PTPRD: variants seen among roughly 807,000 people sequenced by gnomAD.
PTPRD encodes the protein receptor-type tyrosine-protein phosphatase delta.
Under a neutral mutation model 214.5 loss-of-function variants are expected in PTPRD, and 34 were observed. That is an observed-to-expected ratio of 0.16 (90% CI 0.12 to 0.21). PTPRD has a LOEUF of 0.21. Ranked by LOEUF, PTPRD falls within the 10% of genes least tolerant of loss-of-function variation. PTPRD has a pLI of 1.00. For synonymous variants in PTPRD, 1,128 were observed against 845.7 expected (o/e 1.33, Z -5.79); for missense variants, 2,545 against 2,398.7 (o/e 1.06, Z -1.27).
intron 14 of PTPRD, among the ~76,000 whole-genome samples, chr9:8,603,383 G>A (rs1316674624): frequency 6.6e-6 from 1 of 152,196 alleles, no homozygotes; most frequent in African/African-American, 2.4e-5. Context: ...CTTGGTGTGA[G>A]TAGAAAGGCT....
At chr9:10,390,277 C>A (rs1361028567) in intron 2 of PTPRD, among the ~76,000 whole-genome samples, 2 of 151,796 alleles carry the variant, frequency 1.3e-5, no homozygotes, top group Non-Finnish European at 2.9e-5. Flanking sequence ...CTCTGCCACA[C>A]CCTTTGCTTT....
At chr9:8,508,902 T>C (rs947952471) in intron 21 of PTPRD, among the ~76,000 whole-genome samples, 13 of 151,352 alleles carry the variant, frequency 8.6e-5, no homozygotes, top group South Asian at 2.1e-4. Flanking sequence ...TGTGTGTGTG[T>C]GTGTGTGTGT....
At chr9:8,874,697 T>C (rs1210416489) in intron 11 of PTPRD, among the ~76,000 whole-genome samples, 5 of 152,208 alleles carry the variant, frequency 3.3e-5, no homozygotes, top group Admixed American at 6.5e-5. Context: ...CTGCATGTCA[T>C]GGAATGAGCT....
intron 11 of PTPRD, among the ~76,000 whole-genome samples, chr9:8,779,391 CAT>C (rs2095606994): frequency 6.6e-6 from 1 of 151,968 alleles, no homozygotes; most frequent in Non-Finnish European, 1.5e-5. Flanking sequence ...TTCAACATCA[CAT>C]GTCATGGGCT....
At chr9:9,264,407 T>C (rs1170756024) in intron 9 of PTPRD, among the ~76,000 whole-genome samples, 8 of 150,414 alleles carry the variant, frequency 5.3e-5, no homozygotes, top group Admixed American at 5.3e-4. Context: ...CAATAGAGAG[T>C]GTCAAAGGCA....
At chr9:9,714,546 C>A (rs958368038) in intron 7 of PTPRD, among the ~76,000 whole-genome samples, 5 of 152,186 alleles carry the variant, frequency 3.3e-5, no homozygotes, top group African/African-American at 1.2e-4. Context: ...GTAATTCAGA[C>A]TATTAGCTAG....
At chr9:8,783,562 A>G (rs1183505994) in intron 11 of PTPRD, among the ~76,000 whole-genome samples, 1 of 152,202 alleles carries the variant, frequency 6.6e-6, no homozygotes, top group African/African-American at 2.4e-5. Flanking sequence ...TAACTTGTCA[A>G]CGGTGACATT....
intron 9 of PTPRD, among the ~76,000 whole-genome samples, chr9:9,275,112 A>ATAT (rs1944712084): frequency 1.8e-5 from 1 of 54,176 alleles, no homozygotes; most frequent in Admixed American, 3.3e-4. Flanking sequence ...AATATATTAT[A>ATAT]TATATATTAT....
intron 8 of PTPRD, among the ~76,000 whole-genome samples, chr9:9,449,736 T>A (rs2091569979): frequency 6.6e-6 from 1 of 151,726 alleles, no homozygotes; most frequent in Non-Finnish European, 1.5e-5. Flanking sequence ...CAGTCATTCT[T>A]TTTTTTTAAA....
chr9:10,106,265 AT>A (rs2098631641), intron 3 of PTPRD, among the ~76,000 whole-genome samples: 1 of 151,878 alleles, frequency 6.6e-6, no homozygotes, highest in African/African-American at 2.4e-5. Flanking sequence ...CCTCCTAGAA[AT>A]GACATTTTGA....
At chr9:8,765,216 T>C (rs1034713943) in intron 11 of PTPRD, among the ~76,000 whole-genome samples, 3 of 152,222 alleles carry the variant, frequency 2.0e-5, no homozygotes, top group African/African-American at 7.2e-5. Flanking sequence ...CCTCAAAAGA[T>C]GGAGCATAAT....
At chr9:8,394,634 A>C (rs1282774615) in intron 36 of PTPRD, among the ~76,000 whole-genome samples, 1 of 152,112 alleles carries the variant, frequency 6.6e-6, no homozygotes. Context: ...AGTTCTTTTG[A>C]GTTCTAAAAT....
chr9:10,210,428 T>C (rs2154340959), intron 3 of PTPRD, among the ~76,000 whole-genome samples: 2 of 152,134 alleles, frequency 1.3e-5, no homozygotes, highest in Non-Finnish European at 2.9e-5. Context: ...GATCAATAAC[T>C]AAGGTAGCAT....
chr9:9,871,714 C>T (rs2065493362), intron 5 of PTPRD, among the ~76,000 whole-genome samples: 1 of 150,336 alleles, frequency 6.7e-6, no homozygotes, highest in African/African-American at 2.5e-5. Context: ...TGCAACCTAA[C>T]CTCTTTGGAC....
intron 5 of PTPRD, among the ~76,000 whole-genome samples, chr9:9,892,525 G>A (rs2073706544): frequency 6.6e-6 from 1 of 152,110 alleles, no homozygotes; most frequent in Non-Finnish European, 1.5e-5. Context: ...GATCATTGTG[G>A]ACACTTGTAA....
chr9:8,345,315 G>T (rs1588216794), intron 39 of PTPRD, among the ~76,000 whole-genome samples: 1 of 152,088 alleles, frequency 6.6e-6, no homozygotes, highest in East Asian at 1.9e-4. Context: ...TACCTGGATA[G>T]CAGAGAAGAC....
chr9:10,243,372 T>A (rs759629726), intron 3 of PTPRD, among the ~76,000 whole-genome samples: 135 of 152,146 alleles, frequency 8.9e-4, no homozygotes, highest in Non-Finnish European at 1.2e-3. Flanking sequence ...TCACTTTGTC[T>A]ACCTTGTGTA....
intron 34 of PTPRD, among the ~76,000 whole-genome samples, 186 bp downstream of exon 34, chr9:8,449,539 G>C (rs967583652): frequency 6.6e-6 from 1 of 152,098 alleles, no homozygotes. Flanking sequence ...CCCAATTTCC[G>C]GTTTGCAGAA....
chr9:10,384,211 T>C (rs1184631247), intron 2 of PTPRD, among the ~76,000 whole-genome samples: 1 of 151,810 alleles, frequency 6.6e-6, no homozygotes, highest in African/African-American at 2.4e-5. Context: ...GATAAATGCT[T>C]GAAGGAATGG....
Sources: gnomAD v4.1 joint callset for allele counts (sites outside exome capture counted in the v4.1 genomes callset) on GRCh38, gnomAD v4.1.1 for gene constraint, MANE v1.5 for transcripts, NCBI Gene and HGNC (gene_info 2026-07-23, HGNC 2026-07-21) for gene names.